The following FARS2 variants were observed in gnomAD, a reference collection of about 807,000 sequenced individuals.
FARS2 encodes phenylalanyl-tRNA synthetase 2, mitochondrial.
A neutral mutation model predicts 46.4 loss-of-function variants in FARS2; 40 were observed. That is an observed-to-expected ratio of 0.86 (90% confidence interval 0.67 to 1.12). The LOEUF is 1.12. Ranked by LOEUF, FARS2 falls within the 50% of genes most tolerant of loss-of-function variation. The pLI is 0.00. For synonymous variants in FARS2, 234 were observed against 214.9 expected (o/e 1.09, Z -0.78); for missense variants, 513 against 567.9 (o/e 0.90, Z 0.98).
intron 6 of FARS2, among the ~76,000 whole-genome samples, chr6:5,760,350 C>T (rs1180156204): frequency 6.6e-6 from 1 of 152,152 alleles, no homozygotes; most frequent in African/African-American, 2.4e-5. Context: ...ATCTCATGTC[C>T]TCTGCCTATC....
chr6:5,648,990 G>T (rs1335408754), intron 6 of FARS2, among the ~76,000 whole-genome samples: 3 of 152,052 alleles, frequency 2.0e-5, no homozygotes, highest in Non-Finnish European at 2.9e-5. Flanking sequence ...AATGTCTGTG[G>T]GTCAATAGTT....
At chr6:5,549,498 T>A (rs1199495008) in intron 5 of FARS2, among the ~76,000 whole-genome samples, 2 of 152,218 alleles carry the variant, frequency 1.3e-5, no homozygotes, top group Non-Finnish European at 2.9e-5. Flanking sequence ...AGTCCTTGGA[T>A]CACAGCCATG....
At chr6:5,644,754 A>C (rs1776994598) in intron 6 of FARS2, among the ~76,000 whole-genome samples, 1 of 152,230 alleles carries the variant, frequency 6.6e-6, no homozygotes, top group East Asian at 1.9e-4. Context: ...TTATTGTGCC[A>C]TGTTCCTAAG....
chr6:5,339,428 G>T (rs1771396274), intron 1 of FARS2, among the ~76,000 whole-genome samples: 1 of 151,736 alleles, frequency 6.6e-6, no homozygotes, highest in Non-Finnish European at 1.5e-5. Flanking sequence ...CAAACCAGGA[G>T]ACTTCTTTTT....
intron 6 of FARS2, among the ~76,000 whole-genome samples, chr6:5,633,089 T>A (rs1388750997): frequency 6.6e-6 from 1 of 151,904 alleles, no homozygotes; most frequent in African/African-American, 2.4e-5. Context: ...AAGAAAGATA[T>A]AAGGAGTAAA....
At chr6:5,280,062 T>C (rs1335819599) in intron 1 of FARS2, among the ~76,000 whole-genome samples, 1 of 152,216 alleles carries the variant, frequency 6.6e-6, no homozygotes, top group African/African-American at 2.4e-5. Context: ...AGGGGTGTTT[T>C]TGGTCCTCTA....
chr6:5,376,320 G>T (rs908941622), intron 2 of FARS2, among the ~76,000 whole-genome samples: 2 of 152,126 alleles, frequency 1.3e-5, no homozygotes, highest in African/African-American at 4.8e-5. Context: ...ACAAGAAAAT[G>T]CAAATTAAAA....
chr6:5,442,935 A>C (rs997752366), intron 4 of FARS2, among the ~76,000 whole-genome samples: 2 of 152,142 alleles, frequency 1.3e-5, no homozygotes, highest in Non-Finnish European at 2.9e-5. Flanking sequence ...GTATCTGTCT[A>C]CATTTCTGAT....
intron 6 of FARS2, among the ~76,000 whole-genome samples, chr6:5,656,064 A>G (rs1014672839): frequency 5.3e-5 from 8 of 152,222 alleles, no homozygotes; most frequent in African/African-American, 1.9e-4. Flanking sequence ...ATCCTAGGGA[A>G]CCACTAACAC....
intron 1 of FARS2, among the ~76,000 whole-genome samples, chr6:5,312,102 T>C (rs959493138): frequency 6.6e-6 from 1 of 152,214 alleles, no homozygotes; most frequent in Non-Finnish European, 1.5e-5. Flanking sequence ...AACTTACAAA[T>C]AATCTAGGAA....
chr6:5,670,843 A>G (rs1447782285), intron 6 of FARS2, among the ~76,000 whole-genome samples: 2 of 152,204 alleles, frequency 1.3e-5, no homozygotes, highest in East Asian at 3.8e-4. Context: ...CTGATGGTGT[A>G]AAGTTTCAAC....
chr6:5,667,248 A>G (rs180781570), intron 6 of FARS2, among the ~76,000 whole-genome samples: 269 of 152,316 alleles, frequency 1.8e-3, no homozygotes, highest in African/African-American at 6.1e-3. Flanking sequence ...GGCTGGGCAC[A>G]GTGGCTCACG....
At chr6:5,485,422 T>C (rs1190529657) in intron 4 of FARS2, among the ~76,000 whole-genome samples, 4 of 151,378 alleles carry the variant, frequency 2.6e-5, no homozygotes, top group African/African-American at 9.7e-5. Flanking sequence ...AATACTCTAA[T>C]GGGAAATAGG....
intron 6 of FARS2, among the ~76,000 whole-genome samples, chr6:5,626,961 C>T (rs980984263): frequency 6.6e-6 from 1 of 152,180 alleles, no homozygotes; most frequent in Non-Finnish European, 1.5e-5. Flanking sequence ...GTATTGAATA[C>T]TGTAGGGAGT....
intron 2 of FARS2, among the ~76,000 whole-genome samples, chr6:5,382,696 G>C (rs1450204784): frequency 3.3e-5 from 5 of 152,178 alleles, no homozygotes; most frequent in African/African-American, 1.2e-4. Flanking sequence ...GTGCTGCAGG[G>C]AGTAGAAGCT....
intron 6 of FARS2, among the ~76,000 whole-genome samples, chr6:5,709,733 T>TGG (rs149822724): frequency 7.8e-6 from 1 of 128,768 alleles, no homozygotes; most frequent in African/African-American, 2.9e-5. Context: ...GGTGGGGTTG[T>TGG]GTGTGTGTGT....
At chr6:5,358,983 G>A (rs1758114068) in intron 1 of FARS2, among the ~76,000 whole-genome samples, 1 of 138,372 alleles carries the variant, frequency 7.2e-6, no homozygotes, top group Non-Finnish European at 1.5e-5. Flanking sequence ...GCAAAGAATA[G>A]TATTGATAGT....
At chr6:5,675,357 C>T (rs368675958) in intron 6 of FARS2, among the ~76,000 whole-genome samples, 2 of 152,068 alleles carry the variant, frequency 1.3e-5, no homozygotes, top group South Asian at 4.1e-4. Context: ...GGAGGAGTAA[C>T]AGAGAATTTT....
At chr6:5,609,513 C>T in intron 5 of FARS2, 1 of 1,233,158 alleles carries the variant, frequency 8.1e-7, no homozygotes, top group Non-Finnish European at 1.2e-6. Flanking sequence ...ACCAAAGCCA[C>T]CATGACCACT....
Sources: gnomAD v4.1 joint callset for allele counts (sites outside exome capture counted in the v4.1 genomes callset) on GRCh38, gnomAD v4.1.1 for gene constraint, MANE v1.5 for transcripts, NCBI Gene and HGNC (gene_info 2026-07-23, HGNC 2026-07-21) for gene names.